The following LOXL2 variants were observed in gnomAD, a reference collection of about 807,000 sequenced individuals.
The protein encoded by LOXL2 is lysyl oxidase homolog 2.
A neutral mutation model predicts 93.0 loss-of-function variants in LOXL2; 70 were observed. That is an observed-to-expected ratio of 0.75 (90% CI 0.62 to 0.92). LOXL2 has a LOEUF of 0.92. LOXL2 is among the 40% of genes least tolerant of loss of function. LOXL2 has a pLI of 0.00. For missense variants in LOXL2, 973 were observed against 1,054.9 expected (o/e 0.92, Z 1.08); for synonymous variants, 438 against 413.2 (o/e 1.06, Z -0.73).
intron 1 of LOXL2, among the ~76,000 whole-genome samples, chr8:23,399,067 T>G (rs1263423630): frequency 6.6e-6 from 1 of 152,240 alleles, no homozygotes; most frequent in Non-Finnish European, 1.5e-5. Flanking sequence ...TGTGTGTTGC[T>G]CTGGTTGCAT....
intron 10 of LOXL2, among the ~76,000 whole-genome samples, chr8:23,306,370 T>C (rs996305847): frequency 5.9e-5 from 9 of 152,220 alleles, no homozygotes; most frequent in Non-Finnish European, 7.4e-5. Flanking sequence ...GGAGGTGCTC[T>C]GCCACGGTGG....
chr8:23,325,385 G>A lies in LOXL2; in HGVS notation c.1150+2997C>T, dbSNP rs1376886013. 2.6e-5 allele frequency among the ~76,000 whole-genome samples: 4 copies of A among 152,098 alleles called. No homozygotes were observed. The East Asian group carries it at 5.8e-4, about 22-fold the overall frequency. On this transcript the variant is annotated intron_variant, in intron 6 of 13. Coordinates refer to ENST00000389131, the MANE Select transcript of LOXL2 (RefSeq NM_002318.3). ...TGGTTCACTGCAGCCTACCTCGAGG[G>A]CTCAAGTGATCCTCCCACCTCAGCC...
intron 10 of LOXL2, among the ~76,000 whole-genome samples, chr8:23,304,154 C>A (rs1356258479): frequency 1.3e-5 from 2 of 152,226 alleles, no homozygotes. Context: ...AGGCACGTCC[C>A]CGGGGGTTCC....
rs900667927 is a variant in LOXL2 at position 23,306,364 on chromosome 8, G to A, written c.1881-2967C>T. 5.9e-5 allele frequency among the ~76,000 whole-genome samples: 9 copies of A among 152,332 alleles called. No individual in the cohort carries two copies. The East Asian group carries it at 1.7e-3, about 29-fold the overall frequency. On this transcript the variant is annotated intron_variant, in intron 10 of 13. Transcript: ENST00000389131. Reference sequence around the variant, plus strand: ...GCATCCAGAATGGACAGTCCTGGAGGTGCTCTGCCACGGTGGGGGCAACAC... The same window carrying A: ...GCATCCAGAATGGACAGTCCTGGAGATGCTCTGCCACGGTGGGGGCAACAC...
rs1803042612 is a variant in LOXL2 at position 23,297,170 on chromosome 8, CACAG to C, written c.*869_*872del. ...CCCAGGTGCTGTGGGTCAAAGGAAACACAGACACGTTTCATAAATCTTTCTTTTA... is the reference window on the plus strand; with the variant it reads ...CCCAGGTGCTGTGGGTCAAAGGAAACACACGTTTCATAAATCTTTCTTTTA... On this transcript the variant is annotated 3_prime_UTR_variant, in exon 14 of 14. Coordinates refer to ENST00000389131, the MANE Select transcript of LOXL2 (RefSeq NM_002318.3). 6.6e-6 allele frequency: 1 copy of C among 152,150 alleles called. No individual in the cohort carries two copies. The highest frequency in any genetic ancestry group is 6.5e-5 in the Admixed American group (1 of 15,286). The allele number at this position is 152,150 out of a possible 1,614,324, so 9.4% of individuals were successfully genotyped here. A position where few individuals can be genotyped will look rare whatever the true frequency, so the allele number is the denominator to read the frequency against.
intron 6 of LOXL2, among the ~76,000 whole-genome samples, chr8:23,323,525 G>T (rs1803530638): frequency 6.6e-6 from 1 of 152,220 alleles, no homozygotes. Flanking sequence ...CTGAACTTTT[G>T]CTTTTTACAC....
chr8:23,311,216 G>A (rs1202457133), intron 9 of LOXL2, among the ~76,000 whole-genome samples: 1 of 152,178 alleles, frequency 6.6e-6, no homozygotes, highest in East Asian at 1.9e-4. Context: ...AGTAAACCCT[G>A]TGAGTTCACT....
At chr8:23,303,767 C>T (rs1296207688) in intron 10 of LOXL2, among the ~76,000 whole-genome samples, 3 of 152,176 alleles carry the variant, frequency 2.0e-5, no homozygotes, top group African/African-American at 7.2e-5. Context: ...CTCTCACAGC[C>T]CCTTCCTGTT....
chr8:23,316,912 T>G, intron 9 of LOXL2, 37 bp downstream of exon 9: 8 of 1,530,442 alleles, frequency 5.2e-6, no homozygotes, highest in Non-Finnish European at 6.1e-6. Context: ...CTGGTCCCCT[T>G]GGGAGCCCGG....
chr8:23,299,064 C>A (rs745809378), intron 12 of LOXL2, 117 bp from the exon 13 acceptor site: 3 of 656,326 alleles, frequency 4.6e-6, no homozygotes. Flanking sequence ...GTGCCGGGAC[C>A]CAAGACGGGG....
At chr8:23,355,609 CTT>C (rs1347524759) in intron 3 of LOXL2, among the ~76,000 whole-genome samples, 32 of 82,146 alleles carry the variant, frequency 3.9e-4, no homozygotes, top group Admixed American at 6.5e-4. Context: ...AAGATTTGTT[CTT>C]TTTTTTTTTT....
chr8:23,384,002 C>T (rs1804720651), intron 1 of LOXL2, among the ~76,000 whole-genome samples: 1 of 152,110 alleles, frequency 6.6e-6, no homozygotes, highest in Non-Finnish European at 1.5e-5. Flanking sequence ...TTGTGCAAGG[C>T]TAGAAGTAAG....
chr8:23,307,090 C>A (rs1803240617), intron 10 of LOXL2, among the ~76,000 whole-genome samples: 1 of 152,202 alleles, frequency 6.6e-6, no homozygotes, highest in African/African-American at 2.4e-5. Flanking sequence ...AGCCAGGGTT[C>A]TCAAGCCTGG....
rs150520959 is a variant in LOXL2, at chr8:23,333,380, C to T, written c.966+21G>A. 8.0e-5 allele frequency: 129 copies of T among 1,611,322 alleles called. No individual in the cohort carries two copies. In the Admixed American group the frequency reaches 1.2e-3, roughly 15 times the overall value. ...ATCCCCTCCAGGTGCCAAGTGGCCACACCTCGTGCCCCGTCCTCACCTCTG... is the reference window on the plus strand; with the variant it reads ...ATCCCCTCCAGGTGCCAAGTGGCCATACCTCGTGCCCCGTCCTCACCTCTG... On this transcript the variant is annotated intron_variant, in intron 5 of 13. Coordinates refer to ENST00000389131, the MANE Select transcript of LOXL2 (RefSeq NM_002318.3).
intron 3 of LOXL2, among the ~76,000 whole-genome samples, chr8:23,352,380 C>G (rs75515404): frequency 0.054 from 8,294 of 152,252 alleles, 215 homozygotes; most frequent in Admixed American, 0.083. Context: ...GGGGGGACCA[C>G]TATCTTCTAA....
intron 1 of LOXL2, among the ~76,000 whole-genome samples, chr8:23,391,657 C>T (rs1026377014): frequency 1.3e-5 from 2 of 152,166 alleles, no homozygotes; most frequent in African/African-American, 2.4e-5. Context: ...GGAAGGTGAA[C>T]AGAAGCCAAA....
chr8:23,361,711 C>T (rs986124526), intron 2 of LOXL2, among the ~76,000 whole-genome samples: 4 of 152,072 alleles, frequency 2.6e-5, no homozygotes, highest in Non-Finnish European at 4.4e-5. Context: ...CGTGGTGGCA[C>T]GTGCCTGTAA....
Position 23,333,439 on chromosome 8 carries a change from C to A in LOXL2, c.928G>T (p.Asp310Tyr). The A allele has an allele frequency of 6.2e-7, 1 of 1,613,920 alleles. No homozygotes were observed. The highest frequency in any genetic ancestry group is 8.5e-7 in the Non-Finnish European group (1 of 1,180,044). ...GCTTTCCGGAATCTTGAGGGTCCGT[C>A]AGGGCTGAAGACCTGCCCAGGCACA... The part of the protein sequence containing the change: ...SCVPGQVFSP[D>Y]GPSRFRKAYK... Residue 310 changes from aspartate (D) to tyrosine (Y), a missense_variant, in exon 5 of 14, where the codon GAC becomes TAC. Asp to Tyr is a radical substitution (Grantham distance 160). Transcript: ENST00000389131.
At position 23,326,446 on chromosome 8, in the gene LOXL2, CT is replaced by C. The variant is rs1466396767; in HGVS notation, c.1150+1935del. Among the ~76,000 whole-genome samples, 7 of 152,276 alleles carry C rather than the reference CT, an allele frequency of 4.6e-5. No individual in the cohort carries two copies. The East Asian group carries it at 7.7e-4, about 17-fold the overall frequency. On this transcript the variant is annotated intron_variant, in intron 6 of 13. Coordinates refer to ENST00000389131, the MANE Select transcript of LOXL2 (RefSeq NM_002318.3). ...CACACATCGGCCAATCAGTAAATGACTGCAGGGATAGTCAAGATCCAGGGAG... is the reference window on the plus strand; with the variant it reads ...CACACATCGGCCAATCAGTAAATGACGCAGGGATAGTCAAGATCCAGGGAG...
Sources: allele counts gnomAD v4.1 joint callset (sites outside exome capture counted in the v4.1 genomes callset), GRCh38; gene constraint gnomAD v4.1.1; transcripts MANE v1.5; gene names NCBI Gene and HGNC (gene_info 2026-07-23, HGNC 2026-07-21).